Variants in NR5A2 observed in about 807,000 individuals in gnomAD.
NR5A2 encodes nuclear receptor subfamily 5 group A member 2.
Under a neutral mutation model 62.7 loss-of-function variants are expected in NR5A2, and 26 were observed. The observed-to-expected ratio is 0.41, with a 90% confidence interval of 0.30 to 0.58. NR5A2 has a LOEUF of 0.58. NR5A2 is among the 20% of genes least tolerant of loss of function. The pLI is 0.22. For synonymous variants in NR5A2, 246 were observed against 241.7 expected (o/e 1.02, Z -0.16); for missense variants, 541 against 669.1 (o/e 0.81, Z 2.11).
intron 7 of NR5A2, among the ~76,000 whole-genome samples, chr1:200,160,715 T>C (rs1204151498): frequency 6.6e-6 from 1 of 151,728 alleles, no homozygotes; most frequent in African/African-American, 2.4e-5. Context: ...GAAAGCTGAA[T>C]TTATCCCGAG....
At chr1:200,106,159 G>C (rs1326820915) in intron 5 of NR5A2, among the ~76,000 whole-genome samples, 1 of 151,754 alleles carries the variant, frequency 6.6e-6, no homozygotes, top group Non-Finnish European at 1.5e-5. Context: ...CTGGGTTCCA[G>C]TGATTCTCCT....
At chr1:200,095,121 A>C (rs554190216) in intron 5 of NR5A2, among the ~76,000 whole-genome samples, 1 of 45,328 alleles carries the variant, frequency 2.2e-5, no homozygotes, top group South Asian at 9.9e-4. Context: ...CCTCCTTTTT[A>C]ATAAAAAGAA....
chr1:200,130,702 T>C (rs1666935390), intron 7 of NR5A2, among the ~76,000 whole-genome samples: 1 of 152,230 alleles, frequency 6.6e-6, no homozygotes, highest in Admixed American at 6.5e-5. Context: ...TTTCCTATTA[T>C]GTGGCAATTC....
intron 5 of NR5A2, among the ~76,000 whole-genome samples, chr1:200,084,895 A>G (rs1001671350): frequency 6.6e-6 from 1 of 152,236 alleles, no homozygotes; most frequent in African/African-American, 2.4e-5. Flanking sequence ...AAATAATGCT[A>G]TGGTCGAATA....
At chr1:200,115,321 T>C (rs1666166756) in intron 6 of NR5A2, among the ~76,000 whole-genome samples, 1 of 152,150 alleles carries the variant, frequency 6.6e-6, no homozygotes, top group Non-Finnish European at 1.5e-5. Context: ...ATAAAATAAC[T>C]CGCCTGCCCC....
intron 4 of NR5A2, among the ~76,000 whole-genome samples, chr1:200,046,837 G>A (rs1662390275): frequency 6.6e-6 from 1 of 152,206 alleles, no homozygotes; most frequent in African/African-American, 2.4e-5. Flanking sequence ...AAAATAATAA[G>A]GCTGCATTTC....
Position 200,062,701 on chromosome 1 carries a change from G to A in NR5A2, c.1110+13883G>A, listed in dbSNP as rs114892534. 1.4e-3 allele frequency among the ~76,000 whole-genome samples: 215 copies of A among 152,222 alleles called. 1 individual carries two copies. The highest frequency in any genetic ancestry group is 4.4e-3 in the African/African-American group (184 of 41,540). Reference sequence around the variant, plus strand: ...GTTATCAAAGCAGGAAATGTAACTCGCAGAGCTGATGAAAGCCATCTCTCA... The same window carrying A: ...GTTATCAAAGCAGGAAATGTAACTCACAGAGCTGATGAAAGCCATCTCTCA... On this transcript the variant is annotated intron_variant, in intron 5 of 7. Transcript: ENST00000367362.
intron 5 of NR5A2, among the ~76,000 whole-genome samples, chr1:200,053,569 GCACACACACACACACACACACACACA>G (rs34611924): frequency 7.0e-6 from 1 of 141,994 alleles, no homozygotes; most frequent in African/African-American, 2.7e-5. Flanking sequence ...GCATGCACAC[GCACACACACACACACACACACACACA>G]CACACACACA....
intron 5 of NR5A2, among the ~76,000 whole-genome samples, chr1:200,065,241 T>C (rs558380583): frequency 2.6e-5 from 4 of 152,312 alleles, no homozygotes; most frequent in African/African-American, 9.6e-5. Flanking sequence ...CTGCCTGGGT[T>C]CAAGTGATTC....
intron 5 of NR5A2, among the ~76,000 whole-genome samples, chr1:200,056,806 C>T (rs1209017658): frequency 6.6e-6 from 1 of 152,106 alleles, no homozygotes; most frequent in Non-Finnish European, 1.5e-5. Flanking sequence ...CTACTGGAAC[C>T]ATGGGGAGAA....
chr1:200,040,603 T>G (rs1474584352), intron 2 of NR5A2, among the ~76,000 whole-genome samples: 1 of 152,232 alleles, frequency 6.6e-6, no homozygotes, highest in Non-Finnish European at 1.5e-5. Context: ...TCATTTGCTC[T>G]GGGCCAGGGA....
intron 3 of NR5A2, among the ~76,000 whole-genome samples, chr1:200,045,114 A>G (rs1662297984): frequency 6.6e-6 from 1 of 152,172 alleles, no homozygotes; most frequent in Non-Finnish European, 1.5e-5. Flanking sequence ...TATCAGGAAC[A>G]TGTGGGATAA....
chr1:200,093,379 C>T (rs564781769), intron 5 of NR5A2, among the ~76,000 whole-genome samples: 1 of 152,118 alleles, frequency 6.6e-6, no homozygotes, highest in Non-Finnish European at 1.5e-5. Context: ...ATAAAACACA[C>T]ACATGGGTAC....
At position 200,174,462 on chromosome 1, in the gene NR5A2, A is replaced by G; in HGVS notation, c.*252A>G. On this transcript the variant is annotated 3_prime_UTR_variant, in exon 8 of 8. Transcript: ENST00000367362. ...ACAGCCCCAGAGGATTCCATATAAAAGACATTGTAATGGAGTGGATTGAAC... is the reference window on the plus strand; with the variant it reads ...ACAGCCCCAGAGGATTCCATATAAAGGACATTGTAATGGAGTGGATTGAAC... The G allele has an allele frequency of 3.4e-6, 1 of 298,304 alleles. No homozygotes were observed. The highest frequency in any genetic ancestry group is 6.1e-6 in the Non-Finnish European group (1 of 164,698). 18.5% of individuals were successfully genotyped at this position (298,304 alleles called of 1,614,324 possible). A position where few individuals can be genotyped will look rare whatever the true frequency, so the allele number is the denominator to read the frequency against.
At chr1:200,105,815 G>T (rs1195610828) in intron 5 of NR5A2, among the ~76,000 whole-genome samples, 1 of 152,066 alleles carries the variant, frequency 6.6e-6, no homozygotes, top group Non-Finnish European at 1.5e-5. Flanking sequence ...TAGCCGGCAT[G>T]GTGGTGAGTT....
In NR5A2 at chr1:200,077,896, A is replaced by G. The variant is rs192775652; in HGVS notation, c.1110+29078A>G. ...CTTTGACTTCTGTTCTCTAGCAGTCACTGTTAACATTATTTGAGTATCTGA... is the reference window on the plus strand; with the variant it reads ...CTTTGACTTCTGTTCTCTAGCAGTCGCTGTTAACATTATTTGAGTATCTGA... On this transcript the variant is annotated intron_variant, in intron 5 of 7. Transcript: ENST00000367362. Among the ~76,000 whole-genome samples the G allele has an allele frequency of 6.6e-5, 10 of 152,272 alleles. No individual in the cohort carries two copies. The East Asian group carries it at 1.9e-3, about 29-fold the overall frequency.
intron 5 of NR5A2, among the ~76,000 whole-genome samples, chr1:200,086,993 G>A (rs1281230964): frequency 6.6e-6 from 1 of 151,972 alleles, no homozygotes; most frequent in Non-Finnish European, 1.5e-5. Context: ...GAGCCGAGAT[G>A]GTGCCACTGC....
At chr1:200,079,254 T>C (rs965419574) in intron 5 of NR5A2, among the ~76,000 whole-genome samples, 4 of 152,212 alleles carry the variant, frequency 2.6e-5, no homozygotes, top group African/African-American at 7.2e-5. Flanking sequence ...TGGCGATATT[T>C]TTCTCTGTTA....
intron 5 of NR5A2, among the ~76,000 whole-genome samples, chr1:200,106,043 T>C (rs1571486098): frequency 6.9e-6 from 1 of 144,826 alleles, no homozygotes; most frequent in Non-Finnish European, 1.5e-5. Flanking sequence ...TTTCTTCTAA[T>C]TGTTGGCCAG....
Sources: gnomAD v4.1 joint callset for allele counts (sites outside exome capture counted in the v4.1 genomes callset) on GRCh38, gnomAD v4.1.1 for gene constraint, MANE v1.5 for transcripts, NCBI Gene and HGNC (gene_info 2026-07-23, HGNC 2026-07-21) for gene names.